The following SPATA1 variants were observed in gnomAD, a reference collection of about 807,000 sequenced individuals.
SPATA1 encodes the protein spermatogenesis-associated protein 1.
SPATA1 carries 57 observed loss-of-function variants against 59.6 expected under a neutral mutation model. That is an observed-to-expected ratio of 0.96 (90% CI 0.77 to 1.19). The LOEUF (loss-of-function observed/expected upper bound fraction) is 1.19. Among genes scored for constraint, SPATA1 ranks in the 50% most tolerant of loss-of-function variants. The pLI, the probability that SPATA1 is intolerant of heterozygous loss-of-function variation, is 0.00. For missense variants in SPATA1, 448 were observed against 480.7 expected, an observed-to-expected ratio of 0.93 and a Z score of 0.64; for synonymous variants, 147 against 163.9, an observed-to-expected ratio of 0.90 and a Z score of 0.79.
intron 9 of SPATA1, among the ~76,000 whole-genome samples, chr1:84,545,417 C>G (rs1684056181): frequency 6.6e-6 from 1 of 152,002 alleles, no homozygotes; most frequent in African/African-American, 2.4e-5. Flanking sequence ...AAAAAACACA[C>G]TATTTTATAA....
chr1:84,559,238 ATATC>A (rs1368319822), downstream of SPATA1, among the ~76,000 whole-genome samples: 1 of 152,144 alleles, frequency 6.6e-6, no homozygotes, highest in Non-Finnish European at 1.5e-5. Context: ...TATTATTATT[ATATC>A]TGTTATGATG....
chr1:84,552,839 GTAGA>G, intron 12 of SPATA1: 1 of 495,730 alleles, frequency 2.0e-6, no homozygotes, highest in Non-Finnish European at 3.6e-6. Flanking sequence ...TATCTCACCA[GTAGA>G]TAAGCATGCT....
exon 4 of SPATA1, chr1:84,522,444 G>A (rs1357384640): frequency 6.5e-7 from 1 of 1,542,518 alleles, no homozygotes; most frequent in Admixed American, 1.9e-5. Context: ...GTGAGTTCCT[G>A]GGTGAAGATG....
Position 84,550,414 on chromosome 1 carries a change from A to AT in SPATA1, c.1126-17dup. ...TGTTTATATGTTATACTAAATAAAT[A>AT]TCTATCTATCCACACAGAATTACCT... On this transcript the variant is annotated splice_polypyrimidine_tract_variant and intron_variant, in intron 11 of 12. Coordinates refer to ENST00000490879, the Ensembl canonical transcript of SPATA1. 7.6e-7 allele frequency: 1 copy of AT among 1,321,600 alleles called. No individual in the cohort carries two copies. The highest frequency in any genetic ancestry group is 1.0e-6 in the Non-Finnish European group (1 of 975,430). 81.9% of individuals were successfully genotyped at this position (1,321,600 alleles called of 1,614,324 possible). A position where few individuals can be genotyped will look rare whatever the true frequency, so the allele number is the denominator to read the frequency against.
chr1:84,548,971 C>A lies in SPATA1; in HGVS notation c.1125+7C>A. ...AAACATCACAGACTCCAAGGTATTACTAAATGTATCCCCCTTCCGTTAGAG... is the reference window on the plus strand; with the variant it reads ...AAACATCACAGACTCCAAGGTATTAATAAATGTATCCCCCTTCCGTTAGAG... On this transcript the variant is annotated splice_region_variant and intron_variant, in intron 11 of 12. Transcript: ENST00000490879. 6.4e-7 allele frequency: 1 copy of A among 1,555,142 alleles called. No homozygotes were observed.
chr1:84,524,851 A>C (rs1274272240), intron 4 of SPATA1, among the ~76,000 whole-genome samples: 1 of 152,134 alleles, frequency 6.6e-6, no homozygotes, highest in Non-Finnish European at 1.5e-5. Flanking sequence ...TATTTATTTA[A>C]TATCTGGTTT....
At chr1:84,560,617 T>C (rs1364873409) in intron 4 of SPATA1, among the ~76,000 whole-genome samples, 1 of 152,206 alleles carries the variant, frequency 6.6e-6, no homozygotes, top group African/African-American at 2.4e-5. Flanking sequence ...GATGATGCCA[T>C]TTAAGACTTT....
At chr1:84,558,591 A>G (rs921448208), downstream of SPATA1, among the ~76,000 whole-genome samples, 3 of 143,966 alleles carry the variant, frequency 2.1e-5, no homozygotes, top group African/African-American at 8.0e-5. Context: ...GCGCCCGGCC[A>G]CTTTTTTTTA....
intron 6 of SPATA1, among the ~76,000 whole-genome samples, chr1:84,530,724 T>A (rs1297616361): frequency 6.6e-6 from 1 of 152,212 alleles, no homozygotes; most frequent in Non-Finnish European, 1.5e-5. Flanking sequence ...GAGAAATAAC[T>A]TAACTGAAGT....
intron 12 of SPATA1, chr1:84,551,427 T>C (rs189803317): frequency 2.6e-4 from 111 of 425,032 alleles, no homozygotes; most frequent in African/African-American, 2.3e-3. Flanking sequence ...ACAGAACTTA[T>C]GTGATGATAG....
chr1:84,528,945 C>T (rs1207868858), intron 6 of SPATA1, among the ~76,000 whole-genome samples: 6 of 152,044 alleles, frequency 3.9e-5, no homozygotes, highest in African/African-American at 1.4e-4. Context: ...TTCCAGTTAT[C>T]CCAAAATATC....
At chr1:84,558,768 G>A (rs149770160), downstream of SPATA1, among the ~76,000 whole-genome samples, 274 of 152,034 alleles carry the variant, frequency 1.8e-3, 1 homozygote, top group African/African-American at 6.2e-3. Context: ...TGGCATGATG[G>A]CACACGCCTA....
At chr1:84,562,494 A>C (rs1471862675) in intron 4 of SPATA1, among the ~76,000 whole-genome samples, 1 of 152,252 alleles carries the variant, frequency 6.6e-6, no homozygotes, top group Non-Finnish European at 1.5e-5. Flanking sequence ...TTAATTAAGC[A>C]TATAAATCCT....
chr1:84,560,346 C>G (rs1405604845), intron 4 of SPATA1, among the ~76,000 whole-genome samples: 1 of 152,126 alleles, frequency 6.6e-6, no homozygotes, highest in Non-Finnish European at 1.5e-5. Context: ...AAATCCTTCA[C>G]AGAGAGGCCA....
At chr1:84,555,319 A>G, downstream of SPATA1, 1 of 674,956 alleles carries the variant, frequency 1.5e-6, no homozygotes, top group Non-Finnish European at 2.3e-6. Flanking sequence ...CCTAAATCCA[A>G]TTATTCAAAA....
exon 13 of SPATA1, chr1:84,554,359 T>A (rs945036463): frequency 6.6e-6 from 1 of 152,218 alleles, no homozygotes; most frequent in African/African-American, 2.4e-5. Context: ...ATTCAAAATA[T>A]TACTGTTACA....
intron 4 of SPATA1, among the ~76,000 whole-genome samples, chr1:84,562,297 A>G (rs145874152): frequency 2.2e-4 from 34 of 152,352 alleles, no homozygotes; most frequent in African/African-American, 7.0e-4. Flanking sequence ...AGACTAATAT[A>G]AACACTGTTT....
intron 12 of SPATA1, chr1:84,552,958 C>G: frequency 1.0e-6 from 1 of 966,822 alleles, no homozygotes; most frequent in Non-Finnish European, 1.5e-6. Context: ...TACAAAAACC[C>G]TGTTTACATG....
At chr1:84,514,286 T>C (rs910842273) in intron 1 of SPATA1, among the ~76,000 whole-genome samples, 3 of 152,198 alleles carry the variant, frequency 2.0e-5, no homozygotes, top group African/African-American at 4.8e-5. Flanking sequence ...GTCTCCAGCA[T>C]TGGTCTCATC....
Sources: gnomAD v4.1 joint callset for allele counts (sites outside exome capture counted in the v4.1 genomes callset) on GRCh38, gnomAD v4.1.1 for gene constraint, MANE v1.5 for transcripts, NCBI Gene and HGNC (gene_info 2026-07-23, HGNC 2026-07-21) for gene names.